Variants in TMEM266 observed in about 807,000 individuals in gnomAD.
TMEM266 encodes transmembrane protein 266.
TMEM266 carries 33 observed loss-of-function variants against 50.5 expected under a neutral mutation model. The observed-to-expected ratio is 0.65, with a 90% CI of 0.50 to 0.87. TMEM266 has a LOEUF of 0.87. Among genes scored for constraint, TMEM266 ranks in the 40% least tolerant of loss-of-function variants. The pLI is 0.00. For synonymous variants in TMEM266, 310 were observed against 292.3 expected (o/e 1.06, Z -0.62); for missense variants, 655 against 695.1 (o/e 0.94, Z 0.65).
At chr15:76,147,812 CTTGAGGCCAGGAG>C (rs1179910621) in intron 3 of TMEM266, among the ~76,000 whole-genome samples, 1 of 152,168 alleles carries the variant, frequency 6.6e-6, no homozygotes, top group Admixed American at 6.5e-5. Context: ...CTGCGGAACG[CTTGAGGCCAGGAG>C]TTGGAGACTA....
chr15:76,143,832 A>G (rs1458933552), intron 3 of TMEM266, among the ~76,000 whole-genome samples: 1 of 152,100 alleles, frequency 6.6e-6, no homozygotes, highest in Non-Finnish European at 1.5e-5. Context: ...ACTTAAATTA[A>G]TCTCCTTCAA....
chr15:76,071,166 C>G (rs1567140095), intron 1 of TMEM266, among the ~76,000 whole-genome samples: 1 of 152,190 alleles, frequency 6.6e-6, no homozygotes, highest in South Asian at 2.1e-4. Context: ...GCAGCTGCTT[C>G]CTCTTTGTGT....
intron 1 of TMEM266, among the ~76,000 whole-genome samples, chr15:76,117,782 T>G (rs1232306979): frequency 6.6e-6 from 1 of 152,154 alleles, no homozygotes; most frequent in Non-Finnish European, 1.5e-5. Context: ...AACGAACTGA[T>G]GCCTGGAGGT....
At position 76,190,419 on chromosome 15, in the gene TMEM266, G is replaced by T. The variant is rs1414551655; in HGVS notation, c.769-1549G>T. Reference sequence around the variant, plus strand: ...CGGGCTGTCTCCCAGGTGGGGTGGCGAACCATCGAGGTTTATGGACAGGAG... The same window carrying T: ...CGGGCTGTCTCCCAGGTGGGGTGGCTAACCATCGAGGTTTATGGACAGGAG... On this transcript the variant is annotated intron_variant, in intron 8 of 10. Transcript: ENST00000388942. 2.0e-5 allele frequency among the ~76,000 whole-genome samples: 3 copies of T among 152,186 alleles called. No homozygotes were observed. In the East Asian group the frequency reaches 5.8e-4, roughly 29 times the overall value.
chr15:76,182,512 C>G (rs188953182), intron 8 of TMEM266, among the ~76,000 whole-genome samples: 1 of 151,844 alleles, frequency 6.6e-6, no homozygotes, highest in African/African-American at 2.4e-5. Flanking sequence ...GGTGTGGTGG[C>G]GGGTGCCTGT....
intron 1 of TMEM266, among the ~76,000 whole-genome samples, chr15:76,062,907 C>T (rs1210234672): frequency 6.6e-6 from 1 of 152,016 alleles, no homozygotes; most frequent in African/African-American, 2.4e-5. Context: ...AAAAGTTTTC[C>T]AAGCTATGAA....
chr15:76,069,252 A>G (rs574172803), intron 1 of TMEM266, among the ~76,000 whole-genome samples: 1 of 152,312 alleles, frequency 6.6e-6, no homozygotes, highest in Admixed American at 6.5e-5. Context: ...AGGTCACACT[A>G]GGCTAGGTCG....
intron 1 of TMEM266, among the ~76,000 whole-genome samples, chr15:76,133,694 G>A (rs2037548915): frequency 6.6e-6 from 1 of 152,128 alleles, no homozygotes; most frequent in African/African-American, 2.4e-5. Context: ...CTCCGCTCTC[G>A]GAATGAGCTG....
chr15:76,091,224 C>T (rs142786852), intron 1 of TMEM266, among the ~76,000 whole-genome samples: 15 of 152,088 alleles, frequency 9.9e-5, no homozygotes, highest in African/African-American at 3.6e-4. Flanking sequence ...TGTAGAGACT[C>T]AGAAGATTTT....
chr15:76,193,082 A>G (rs994764595), intron 9 of TMEM266, among the ~76,000 whole-genome samples: 1 of 152,216 alleles, frequency 6.6e-6, no homozygotes, highest in African/African-American at 2.4e-5. Context: ...CCTCAGCTCC[A>G]TGACTGGAGG....
intron 1 of TMEM266, among the ~76,000 whole-genome samples, chr15:76,062,839 A>G (rs1027190031): frequency 1.3e-5 from 2 of 152,188 alleles, no homozygotes; most frequent in Admixed American, 1.3e-4. Flanking sequence ...GGAAACTATT[A>G]ATGCTTAAGC....
chr15:76,076,606 A>G (rs935868610), intron 1 of TMEM266, among the ~76,000 whole-genome samples: 1 of 152,108 alleles, frequency 6.6e-6, no homozygotes, highest in Non-Finnish European at 1.5e-5. Flanking sequence ...GAGTTTACCA[A>G]TTCCTAGGCA....
intron 9 of TMEM266, among the ~76,000 whole-genome samples, chr15:76,194,845 T>A (rs2038631618): frequency 6.6e-6 from 1 of 152,180 alleles, no homozygotes; most frequent in Admixed American, 6.5e-5. Context: ...AACCGCTTTC[T>A]TTCCAAGTAA....
intron 6 of TMEM266, among the ~76,000 whole-genome samples, chr15:76,170,232 T>C (rs1245021226): frequency 6.6e-6 from 1 of 152,178 alleles, no homozygotes; most frequent in Non-Finnish European, 1.5e-5. Context: ...CAGGCTGGGT[T>C]TCCGTTCTGC....
chr15:76,191,065 A>G (rs1233039065), intron 8 of TMEM266, among the ~76,000 whole-genome samples: 1 of 152,228 alleles, frequency 6.6e-6, no homozygotes. Context: ...CACAAACCCA[A>G]GAGGTATCTG....
intron 1 of TMEM266, among the ~76,000 whole-genome samples, chr15:76,125,222 T>G (rs1254236384): frequency 6.6e-6 from 1 of 152,064 alleles, no homozygotes; most frequent in Non-Finnish European, 1.5e-5. Flanking sequence ...CTGCTTGACA[T>G]TGGTCTTGGC....
chr15:76,175,689 CT>C lies in TMEM266; in HGVS notation c.768+18del, dbSNP rs1057295429. 6.2e-7 allele frequency: 1 copy of C among 1,604,282 alleles called. No homozygotes were observed. The highest frequency in any genetic ancestry group is 1.3e-5 in the African/African-American group (1 of 74,762). On this transcript the variant is annotated intron_variant, in intron 8 of 10. Transcript: ENST00000388942. ...AGGAGCAAGGGGTAATGCACTGCCACTTTCGGCTCTGTCCGTGGTCTTGCTG... is the reference window on the plus strand; with the variant it reads ...AGGAGCAAGGGGTAATGCACTGCCACTTCGGCTCTGTCCGTGGTCTTGCTG...
chr15:76,125,656 T>TG (rs1480412137), intron 1 of TMEM266, among the ~76,000 whole-genome samples: 1 of 152,044 alleles, frequency 6.6e-6, no homozygotes, highest in Non-Finnish European at 1.5e-5. Flanking sequence ...AAGACGAGCC[T>TG]GGCCAACATG....
chr15:76,076,940 C>T (rs753045272), intron 1 of TMEM266, among the ~76,000 whole-genome samples: 10 of 151,750 alleles, frequency 6.6e-5, no homozygotes, highest in East Asian at 1.9e-4. Context: ...TCTGAATAAC[C>T]GTTTTTTTGT....
Sources: gnomAD v4.1 joint callset for allele counts (sites outside exome capture counted in the v4.1 genomes callset) on GRCh38, gnomAD v4.1.1 for gene constraint, MANE v1.5 for transcripts, NCBI Gene and HGNC (gene_info 2026-07-23, HGNC 2026-07-21) for gene names.